CEP83: variants seen among roughly 807,000 people sequenced by gnomAD.
CEP83 encodes centrosomal protein 83, also known as centrosomal protein of 83 kDa.
Under a neutral mutation model 101.9 loss-of-function variants are expected in CEP83, and 70 were observed. That is an observed-to-expected ratio of 0.69 (90% CI 0.57 to 0.84). CEP83 has a LOEUF of 0.84. CEP83 is among the 40% of genes least tolerant of loss of function. The probability of loss-of-function intolerance (pLI) is 0.00; values close to 1 mark genes in which losing one functional copy is unlikely to be tolerated. For missense variants in CEP83, 715 were observed against 787.2 expected (o/e 0.91, Z 1.10); for synonymous variants, 264 against 267.9 (o/e 0.99, Z 0.14).
At chr12:94,273,388 A>G in the CEP83 span, among the ~76,000 whole-genome samples, 14 of 152,012 alleles carry the variant, frequency 9.2e-5, no homozygotes, top group Non-Finnish European at 5.9e-5. Flanking sequence ...AGCCTGAGTG[A>G]GTGATTGAAG....
chr12:94,360,016 T>G (rs115657493), intron 11 of CEP83, among the ~76,000 whole-genome samples: 60 of 152,188 alleles, frequency 3.9e-4, no homozygotes, highest in African/African-American at 1.3e-3. Flanking sequence ...ATCAACTGAA[T>G]GAAGAAAAAA....
chr12:94,329,581 C>T (rs202236534), intron 14 of CEP83, among the ~76,000 whole-genome samples: 1 of 152,180 alleles, frequency 6.6e-6, no homozygotes, highest in East Asian at 1.9e-4. Context: ...CCCAAACTAA[C>T]CTTAATAATT....
the CEP83 span, among the ~76,000 whole-genome samples, chr12:94,283,355 A>G: frequency 6.6e-6 from 1 of 151,912 alleles, no homozygotes; most frequent in Non-Finnish European, 1.5e-5. Flanking sequence ...AAAACTTGAG[A>G]GGGGCAATGG....
intron 4 of CEP83, among the ~76,000 whole-genome samples, chr12:94,410,161 T>A (rs1213199212): frequency 6.6e-6 from 1 of 152,206 alleles, no homozygotes; most frequent in Non-Finnish European, 1.5e-5. Flanking sequence ...CGTCATTCAT[T>A]CAACAAATAG....
chr12:94,445,539 A>G (rs1176474285), intron 1 of CEP83, among the ~76,000 whole-genome samples: 2 of 152,244 alleles, frequency 1.3e-5, no homozygotes, highest in Non-Finnish European at 2.9e-5. Flanking sequence ...CCACTGTTAC[A>G]TAAATGACAA....
chr12:94,404,634 G>C (rs916529443), intron 4 of CEP83, among the ~76,000 whole-genome samples: 16 of 151,954 alleles, frequency 1.1e-4, no homozygotes, highest in Admixed American at 7.9e-4. Flanking sequence ...AGAGTGAAAG[G>C]TTCCTGAATA....
At chr12:94,389,650 C>A (rs988168666) in intron 6 of CEP83, among the ~76,000 whole-genome samples, 1 of 152,166 alleles carries the variant, frequency 6.6e-6, no homozygotes, top group Non-Finnish European at 1.5e-5. Flanking sequence ...AGAGGGTGAG[C>A]TGAAGCAGGG....
chr12:94,283,994 A>T, the CEP83 span, among the ~76,000 whole-genome samples: 1 of 151,174 alleles, frequency 6.6e-6, no homozygotes, highest in Non-Finnish European at 1.5e-5. Flanking sequence ...GAGGCAGGAG[A>T]ATTGCTTGAA....
intron 5 of CEP83, chr12:94,402,255 T>C (rs530442166): frequency 1.3e-5 from 2 of 152,312 alleles, no homozygotes; most frequent in Admixed American, 1.3e-4. Flanking sequence ...ACCTACTGTA[T>C]ACCAAAATCT....
chr12:94,426,816 C>T (rs573836938), intron 2 of CEP83, among the ~76,000 whole-genome samples: 2 of 152,132 alleles, frequency 1.3e-5, no homozygotes, highest in East Asian at 1.9e-4. Context: ...AATGTGACCA[C>T]GGAGACAGAG....
chr12:94,406,936 A>C (rs905997616), intron 4 of CEP83, among the ~76,000 whole-genome samples: 7 of 151,706 alleles, frequency 4.6e-5, no homozygotes, highest in Non-Finnish European at 8.8e-5. Context: ...CAAAACAAAA[A>C]AAAAAAAACA....
chr12:94,403,400 T>C lies in CEP83; in HGVS notation c.325-138A>G, dbSNP rs534676617. 445 of 512,580 alleles carry C rather than the reference T, an allele frequency of 8.7e-4. 2 individuals are homozygous for C. Among genetic ancestry groups the C allele is most frequent in the Non-Finnish European group, 1.2e-3 (338 of 292,714 alleles). The allele number at this position is 512,580 out of a possible 1,614,324, so 31.8% of individuals were successfully genotyped here. Reference sequence around the variant, plus strand: ...TATAGTTTTTTTACAGTGATCACTATACAAATAGAATCATCATTTGAAATA... The same window carrying C: ...TATAGTTTTTTTACAGTGATCACTACACAAATAGAATCATCATTTGAAATA... On this transcript the variant is annotated intron_variant, in intron 4 of 16. Transcript: ENST00000397809.
intron 2 of CEP83, among the ~76,000 whole-genome samples, chr12:94,420,199 A>C (rs1174568464): frequency 6.6e-6 from 1 of 152,182 alleles, no homozygotes; most frequent in Non-Finnish European, 1.5e-5. Context: ...TGGCATATTC[A>C]CTTTGGGAAA....
downstream of CEP83, chr12:94,305,950 C>CTAAAG (rs1968961083): frequency 6.6e-6 from 1 of 152,106 alleles, no homozygotes; most frequent in African/African-American, 2.4e-5. Flanking sequence ...CCAAGGAGCT[C>CTAAAG]TAAAGTAAGG....
chr12:94,331,259 C>A (rs1194597533), intron 14 of CEP83, among the ~76,000 whole-genome samples: 1 of 115,210 alleles, frequency 8.7e-6, no homozygotes, highest in Non-Finnish European at 1.6e-5. Context: ...CCACTGCAAT[C>A]CAACCTGGGT....
chr12:94,273,236 A>AT, the CEP83 span, among the ~76,000 whole-genome samples: 33 of 151,810 alleles, frequency 2.2e-4, no homozygotes, highest in Admixed American at 6.6e-4. Context: ...TCTTTACCAT[A>AT]TTTTTTTCCT....
At chr12:94,386,957 T>C (rs1395927243) in intron 6 of CEP83, among the ~76,000 whole-genome samples, 1 of 152,142 alleles carries the variant, frequency 6.6e-6, no homozygotes, top group Non-Finnish European at 1.5e-5. Flanking sequence ...TAAAGCTGCA[T>C]ATCTACAACA....
intron 14 of CEP83, among the ~76,000 whole-genome samples, chr12:94,322,523 G>T (rs192530282): frequency 4.6e-5 from 7 of 152,322 alleles, no homozygotes; most frequent in South Asian, 2.1e-4. Flanking sequence ...AAGAGATAAG[G>T]CTGCAAAACA....
At chr12:94,272,710 T>C in the CEP83 span, among the ~76,000 whole-genome samples, 1 of 152,228 alleles carries the variant, frequency 6.6e-6, no homozygotes, top group Non-Finnish European at 1.5e-5. Context: ...ATCTGGAGCA[T>C]ACTGGCCACA....
Sources: gnomAD v4.1 joint callset for allele counts (sites outside exome capture counted in the v4.1 genomes callset) on GRCh38, gnomAD v4.1.1 for gene constraint, MANE v1.5 for transcripts, NCBI Gene and HGNC (gene_info 2026-07-23, HGNC 2026-07-21) for gene names.